Variants in RBFOX1 observed in about 807,000 individuals in gnomAD.
The protein encoded by RBFOX1 is RNA binding fox-1 homolog 1.
Under a neutral mutation model 57.7 loss-of-function variants are expected in RBFOX1, and 8 were observed. That is an observed-to-expected ratio of 0.14 (90% CI 0.08 to 0.25). RBFOX1 has a LOEUF of 0.25. RBFOX1 is among the 10% of genes least tolerant of loss of function. RBFOX1 has a pLI of 1.00. For synonymous variants in RBFOX1, 326 were observed against 222.4 expected, an observed-to-expected ratio of 1.47 and a Z score of -4.15; for missense variants, 611 against 548.5, an observed-to-expected ratio of 1.11 and a Z score of -1.14.
intron 2 of RBFOX1, among the ~76,000 whole-genome samples, chr16:6,427,869 G>A (rs2093975114): frequency 6.6e-6 from 1 of 152,144 alleles, no homozygotes; most frequent in African/African-American, 2.4e-5. Context: ...CCAGGTGTGT[G>A]ACTGGGAGCA....
chr16:5,259,491 G>A (rs1426751206), intron 1 of RBFOX1, among the ~76,000 whole-genome samples: 3 of 152,136 alleles, frequency 2.0e-5, no homozygotes, highest in Non-Finnish European at 4.4e-5. Flanking sequence ...TTGCATTCAG[G>A]TCTGTTCTTC....
chr16:7,677,829 A>G (rs976040435), intron 14 of RBFOX1, among the ~76,000 whole-genome samples: 1 of 152,172 alleles, frequency 6.6e-6, no homozygotes, highest in Non-Finnish European at 1.5e-5. Context: ...ACAGGTAAGC[A>G]GGCGATGTAT....
At chr16:5,827,402 G>GAAAAAAAAAAAAAAAAA (rs374545272) in intron 3 of RBFOX1, among the ~76,000 whole-genome samples, 1 of 100,476 alleles carries the variant, frequency 1.0e-5, no homozygotes, top group African/African-American at 3.7e-5. Flanking sequence ...TCCATCTCAG[G>GAAAAAAAAAAAAAAAAA]GAAAAAAAAA....
intron 1 of RBFOX1, among the ~76,000 whole-genome samples, chr16:6,073,686 T>C (rs1204413661): frequency 6.6e-6 from 1 of 152,196 alleles, no homozygotes; most frequent in Admixed American, 6.5e-5. Context: ...TCCTATTTTA[T>C]TGTAAGTGTA....
chr16:6,764,927 A>G (rs1422461846), intron 3 of RBFOX1, among the ~76,000 whole-genome samples: 2 of 152,120 alleles, frequency 1.3e-5, no homozygotes, highest in Non-Finnish European at 2.9e-5. Flanking sequence ...ACAGAGCAAG[A>G]CTGTTTCAGA....
At position 6,514,389 on chromosome 16, in the gene RBFOX1, T is replaced by A. The variant is rs551919730; in HGVS notation, c.-63-140214T>A. On this transcript the variant is annotated intron_variant, in intron 2 of 15. Coordinates refer to ENST00000550418, the MANE Select transcript of RBFOX1 (RefSeq NM_018723.4). ...GAGGGTAGAAGGAGATTCAGTCGAC[T>A]TTCTTTTGCCCACATGAATTGATGC... Among the ~76,000 whole-genome samples, 39 of 152,310 alleles carry A rather than the reference T, an allele frequency of 2.6e-4. No homozygotes were observed. In the South Asian group the frequency reaches 7.5e-3, roughly 29 times the overall value.
chr16:7,539,160 G>A (rs2152449059), intron 5 of RBFOX1, among the ~76,000 whole-genome samples: 1 of 152,232 alleles, frequency 6.6e-6, no homozygotes, highest in East Asian at 1.9e-4. Context: ...CAAAGAATGT[G>A]AAACCGTCTT....
intron 4 of RBFOX1, among the ~76,000 whole-genome samples, chr16:7,432,878 C>G (rs924057240): frequency 6.6e-6 from 1 of 152,178 alleles, no homozygotes; most frequent in African/African-American, 2.4e-5. Context: ...TGTTTTCAGG[C>G]CATCATAACA....
At chr16:7,209,571 C>T (rs1039898231) in intron 4 of RBFOX1, among the ~76,000 whole-genome samples, 1 of 152,166 alleles carries the variant, frequency 6.6e-6, no homozygotes, top group Non-Finnish European at 1.5e-5. Flanking sequence ...CTCAAAGAGG[C>T]CAACCCTCAC....
intron 3 of RBFOX1, among the ~76,000 whole-genome samples, chr16:6,988,278 A>G (rs1025320594): frequency 1.3e-5 from 2 of 152,294 alleles, no homozygotes; most frequent in South Asian, 4.1e-4. Flanking sequence ...GCAAAGCCCT[A>G]TAGACCTTTA....
chr16:5,814,175 T>G (rs1029842308), intron 3 of RBFOX1, among the ~76,000 whole-genome samples: 15 of 152,174 alleles, frequency 9.9e-5, no homozygotes, highest in Non-Finnish European at 1.9e-4. Context: ...GGCCCGCCTG[T>G]GCTGCCCACA....
intron 4 of RBFOX1, among the ~76,000 whole-genome samples, chr16:7,488,677 A>G (rs565579908): frequency 6.6e-6 from 1 of 152,230 alleles, no homozygotes; most frequent in Admixed American, 6.5e-5. Flanking sequence ...TCCATCATCT[A>G]TCCATCTATC....
At chr16:7,555,238 C>T (rs1443904468) in intron 5 of RBFOX1, among the ~76,000 whole-genome samples, 5 of 152,168 alleles carry the variant, frequency 3.3e-5, no homozygotes, top group Non-Finnish European at 7.3e-5. Context: ...TGTTAAAAGC[C>T]TTCTGATGAC....
At chr16:7,435,160 C>T (rs1475244543) in intron 4 of RBFOX1, among the ~76,000 whole-genome samples, 1 of 152,114 alleles carries the variant, frequency 6.6e-6, no homozygotes, top group Non-Finnish European at 1.5e-5. Context: ...CAGGATGTCA[C>T]ATTACAATTA....
intron 4 of RBFOX1, among the ~76,000 whole-genome samples, chr16:7,500,417 C>T (rs544064778): frequency 6.6e-6 from 1 of 152,232 alleles, no homozygotes; most frequent in East Asian, 1.9e-4. Context: ...GAGGTCTAGC[C>T]ACTTTGTGTT....
At chr16:6,451,781 C>T (rs947687445) in intron 2 of RBFOX1, among the ~76,000 whole-genome samples, 1 of 152,184 alleles carries the variant, frequency 6.6e-6, no homozygotes, top group Non-Finnish European at 1.5e-5. Context: ...CTGTGCTGCT[C>T]TTCCTCCCGT....
intron 1 of RBFOX1, among the ~76,000 whole-genome samples, chr16:6,116,797 G>T (rs2096500285): frequency 6.6e-6 from 1 of 152,088 alleles, no homozygotes; most frequent in Admixed American, 6.6e-5. Context: ...TAGGAATTTA[G>T]AGACATGGGA....
chr16:6,308,384 C>T (rs1040628059), intron 1 of RBFOX1, among the ~76,000 whole-genome samples: 4 of 152,188 alleles, frequency 2.6e-5, no homozygotes, highest in Admixed American at 6.5e-5. Flanking sequence ...TGTTTTGCTT[C>T]GCCTTTGTGG....
At chr16:7,079,254 C>T (rs75956761) in intron 4 of RBFOX1, among the ~76,000 whole-genome samples, 2 of 152,176 alleles carry the variant, frequency 1.3e-5, no homozygotes, top group Non-Finnish European at 2.9e-5. Flanking sequence ...GCTCATCATA[C>T]ATCTGGCTCT....
Sources: gnomAD v4.1 joint callset for allele counts (sites outside exome capture counted in the v4.1 genomes callset) on GRCh38, gnomAD v4.1.1 for gene constraint, MANE v1.5 for transcripts, NCBI Gene and HGNC (gene_info 2026-07-23, HGNC 2026-07-21) for gene names.